The following RPS6KA1 variants were observed in gnomAD, a reference collection of about 807,000 sequenced individuals.
RPS6KA1 encodes the protein ribosomal protein S6 kinase alpha-1.
Under a neutral mutation model 91.3 loss-of-function variants are expected in RPS6KA1, and 48 were observed. That is an observed-to-expected ratio of 0.53 (90% CI 0.42 to 0.67). RPS6KA1 has a LOEUF of 0.67. RPS6KA1 is among the 30% of genes least tolerant of loss of function. The pLI, the probability that RPS6KA1 is intolerant of heterozygous loss-of-function variation, is 0.00. For missense variants in RPS6KA1, 719 were observed against 960.5 expected, an observed-to-expected ratio of 0.75 and a Z score of 3.32; for synonymous variants, 359 against 384.7, an observed-to-expected ratio of 0.93 and a Z score of 0.78.
chr1:26,537,044 G>A, intron 2 of RPS6KA1, 75 bp downstream of exon 2: 1 of 1,505,856 alleles, frequency 6.6e-7, no homozygotes, highest in Non-Finnish European at 9.2e-7. Flanking sequence ...GGAGGTTGAG[G>A]GCTCCAGCCT....
chr1:26,563,811 A>T (rs1462243343), intron 17 of RPS6KA1, among the ~76,000 whole-genome samples: 1 of 151,414 alleles, frequency 6.6e-6, no homozygotes, highest in Non-Finnish European at 1.5e-5. Flanking sequence ...TTTGGGGGGG[A>T]TGGGAATGAG....
chr1:26,554,431 G>T lies in RPS6KA1; in HGVS notation c.614-165G>T. 8.7e-7 allele frequency: 1 copy of T among 1,144,116 alleles called. No individual in the cohort carries two copies. The highest frequency in any genetic ancestry group is 1.3e-6 in the Non-Finnish European group (1 of 793,614). The allele number at this position is 1,144,116 out of a possible 1,614,324, so 70.9% of individuals were successfully genotyped here. A position where few individuals can be genotyped will look rare whatever the true frequency, so the allele number is the denominator to read the frequency against. ...TCAGCTGGAATCCCAGCCCCTCATT[G>T]TGTAACGTTGAGCAAGTCACCTGAC... On this transcript the variant is annotated intron_variant, in intron 8 of 21. Transcript: ENST00000374168. This position sits in a 1 kb window ranked among gnomAD's most constrained non-coding sequence, Gnocchi z 4.6.
intron 1 of RPS6KA1, among the ~76,000 whole-genome samples, chr1:26,533,820 C>A (rs920999457): frequency 6.6e-6 from 1 of 152,168 alleles, no homozygotes; most frequent in Non-Finnish European, 1.5e-5. Flanking sequence ...TGTGTTCTTT[C>A]AAGGATTGCT....
At chr1:26,565,568 C>CTTTTCTTTTCTTTTCT (rs71581076) in intron 17 of RPS6KA1, among the ~76,000 whole-genome samples, 1 of 150,308 alleles carries the variant, frequency 6.7e-6, no homozygotes, top group African/African-American at 2.4e-5. Context: ...CTTTTCTTTT[C>CTTTTCTTTTCTTTTCT]TTTTTTTTTG....
Position 26,555,668 on chromosome 1 carries a change from G to T in RPS6KA1, c.916+43G>T, listed in dbSNP as rs2076094666. Reference sequence around the variant, plus strand: ...AGGGGAGGGGATGTGGCGATGGGGAGCCGGGTACAGCTGCAGCCTAGGCCA... The same window carrying T: ...AGGGGAGGGGATGTGGCGATGGGGATCCGGGTACAGCTGCAGCCTAGGCCA... On this transcript the variant is annotated intron_variant, in intron 11 of 21. Coordinates refer to ENST00000374168, the MANE Select transcript of RPS6KA1 (RefSeq NM_002953.4). The surrounding 1 kb of genome is among the most constrained non-coding windows in gnomAD (Gnocchi z 4.3). 1 of 1,533,936 alleles carries T rather than the reference G, an allele frequency of 6.5e-7. No homozygotes were observed. Among genetic ancestry groups the T allele is most frequent in the Non-Finnish European group, 8.9e-7 (1 of 1,128,340 alleles).
At chr1:26,553,691 T>C in intron 7 of RPS6KA1, 194 bp downstream of exon 7, 2 of 387,720 alleles carry the variant, frequency 5.2e-6, no homozygotes, top group East Asian at 8.5e-5. Context: ...AAGGGCCAGG[T>C]ACTTTGCATG....
rs1358900755 is a variant in RPS6KA1 at position 26,560,735 on chromosome 1, G to A, written c.1225G>A (p.Gly409Arg). Reference protein sequence around the residue: ...PLHSVVQQLHGKNLVFSDGYV... With the variant: ...PLHSVVQQLHRKNLVFSDGYV... Reference sequence around the variant, plus strand: ...TTTTGGTCTCCTACAGCAACTCCATGGGAAGAACCTGGTTTTTAGTGACGG... The same window carrying A: ...TTTTGGTCTCCTACAGCAACTCCATAGGAAGAACCTGGTTTTTAGTGACGG... The change falls in exon 15 of 22, where the codon GGG becomes AGG. Residue 409 changes from glycine (G) to arginine (R), a missense_variant. Transcript: ENST00000374168. 6.2e-7 allele frequency: 1 copy of A among 1,614,038 alleles called. No homozygotes were observed. The highest frequency in any genetic ancestry group is 8.5e-7 in the Non-Finnish European group (1 of 1,180,034).
chr1:26,547,039 T>G lies in RPS6KA1; in HGVS notation c.225+56T>G. 1 of 1,556,882 alleles carries G rather than the reference T, an allele frequency of 6.4e-7. No individual in the cohort carries two copies. Among genetic ancestry groups the G allele is most frequent in the Non-Finnish European group, 8.9e-7 (1 of 1,128,690 alleles). ...ACACTCGTCATGTTAGAGGTGGGGG[T>G]CAAGGGTCACCTAGGGGCCCAAAGG... On this transcript the variant is annotated intron_variant, in intron 3 of 21. Transcript: ENST00000374168. This position sits in a 1 kb window ranked among gnomAD's most constrained non-coding sequence, Gnocchi z 4.1.
intron 17 of RPS6KA1, among the ~76,000 whole-genome samples, chr1:26,568,769 A>T (rs1042632013): frequency 2.2e-4 from 34 of 152,166 alleles, no homozygotes; most frequent in Admixed American, 3.9e-4. Flanking sequence ...AAATTAATTT[A>T]AAAAAAAGGT....
chr1:26,573,196 C>A (rs282178), intron 20 of RPS6KA1, 28 bp from the exon 21 acceptor site: 402,564 of 1,610,680 alleles, frequency 0.25, 54,667 homozygotes, highest in East Asian at 0.49. Flanking sequence ...CAGCCCTCCC[C>A]CAACCCCCTT....
chr1:26,572,113 C>A, intron 19 of RPS6KA1, 63 bp from the exon 20 acceptor site: 2 of 1,442,076 alleles, frequency 1.4e-6, no homozygotes, highest in Non-Finnish European at 2.0e-6. Context: ...AGTCTCCCAC[C>A]GCAGCCCCAG....
Position 26,558,881 on chromosome 1 carries a change from A to T in RPS6KA1, c.1159A>T (p.Met387Leu). The change falls in exon 14 of 22, where the codon ATG becomes TTG. Residue 387 changes from methionine to leucine, a missense_variant. This residue lies in a region of RPS6KA1 where 228 missense variants were observed against 247.6 expected (regional missense o/e 0.92). Transcript: ENST00000374168. The surrounding 1 kb of genome is among the most constrained non-coding windows in gnomAD (Gnocchi z 4.0). ...CTTCAGCTTCGTGGCCACCGGCCTG[A>T]TGGAAGACGACGGCAAGCCTCGTGC... Reference protein sequence around the residue: ...RGFSFVATGLMEDDGKPRAPQ... With the variant: ...RGFSFVATGLLEDDGKPRAPQ... 1 of 1,613,770 alleles carries T rather than the reference A, an allele frequency of 6.2e-7. No individual in the cohort carries two copies. The highest frequency in any genetic ancestry group is 8.5e-7 in the Non-Finnish European group (1 of 1,179,802).
chr1:26,554,840 C>G lies in RPS6KA1; in HGVS notation c.756+102C>G. On this transcript the variant is annotated intron_variant, in intron 9 of 21. Coordinates refer to ENST00000374168, the MANE Select transcript of RPS6KA1 (RefSeq NM_002953.4). The surrounding 1 kb of genome is among the most constrained non-coding windows in gnomAD (Gnocchi z 4.6). The stretch of plus-strand genomic sequence containing the variant: ...TGATCATTTCTAGGGCTCTCCCCGT[C>G]TCCTCTCACAGCCAAGCTGGCCTCA... 1 of 1,436,578 alleles carries G rather than the reference C, an allele frequency of 7.0e-7. No individual in the cohort carries two copies. Among genetic ancestry groups the G allele is most frequent in the Non-Finnish European group, 9.4e-7 (1 of 1,062,306 alleles). The allele number at this position is 1,436,578 out of a possible 1,614,324, so 89.0% of individuals were successfully genotyped here.
In RPS6KA1 at chr1:26,574,024, C is replaced by A; in HGVS notation, c.2086-55C>A. 1 of 1,584,462 alleles carries A rather than the reference C, an allele frequency of 6.3e-7. No homozygotes were observed. Among genetic ancestry groups the A allele is most frequent in the South Asian group, 1.1e-5 (1 of 88,670 alleles). On this transcript the variant is annotated intron_variant, in intron 21 of 21. Coordinates refer to ENST00000374168, the MANE Select transcript of RPS6KA1 (RefSeq NM_002953.4). The surrounding 1 kb of genome is among the most constrained non-coding windows in gnomAD (Gnocchi z 4.3). ...CTGGCCTACCCTTGGGGCATGGATC[C>A]CCTCCCCGCTACATCTCCCACCATT... is the stretch of plus-strand genomic sequence containing the variant.
At chr1:26,566,994 C>T (rs1471838013) in intron 17 of RPS6KA1, among the ~76,000 whole-genome samples, 2 of 151,096 alleles carry the variant, frequency 1.3e-5, no homozygotes, top group African/African-American at 2.4e-5. Context: ...ACAGGCCAGG[C>T]GGGGTTCTGT....
At chr1:26,543,316 G>A (rs2075963576) in intron 2 of RPS6KA1, 2 of 940,550 alleles carry the variant, frequency 2.1e-6, no homozygotes, top group Admixed American at 4.1e-5. Context: ...GGATTTCTGG[G>A]TGGTTTCCTG....
chr1:26,545,080 GC>G (rs1384467699), intron 2 of RPS6KA1, among the ~76,000 whole-genome samples: 2 of 151,892 alleles, frequency 1.3e-5, no homozygotes, highest in Admixed American at 6.6e-5. Context: ...TCCTGCCTCT[GC>G]CTGTTGGGTG....
intron 17 of RPS6KA1, among the ~76,000 whole-genome samples, chr1:26,565,138 T>A (rs2076188130): frequency 6.6e-6 from 1 of 152,162 alleles, no homozygotes; most frequent in South Asian, 2.1e-4. Context: ...AGTTTCTGGC[T>A]GTTTGCTAAT....
In RPS6KA1 at chr1:26,555,365, A is replaced by G; in HGVS notation, c.827+144A>G. ...CTGGGTTAAACATTATACCTTCCAGAGCCCCTCTTTCATCCCTGGGGGCCT... is the reference window on the plus strand; with the variant it reads ...CTGGGTTAAACATTATACCTTCCAGGGCCCCTCTTTCATCCCTGGGGGCCT... On this transcript the variant is annotated intron_variant, in intron 10 of 21. Transcript: ENST00000374168. The surrounding 1 kb of genome is among the most constrained non-coding windows in gnomAD (Gnocchi z 4.3). 9.7e-7 allele frequency: 1 copy of G among 1,025,668 alleles called. No individual in the cohort carries two copies. The highest frequency in any genetic ancestry group is 1.5e-6 in the Non-Finnish European group (1 of 688,418). 63.5% of individuals were successfully genotyped at this position (1,025,668 alleles called of 1,614,324 possible). A position where few individuals can be genotyped will look rare whatever the true frequency, so the allele number is the denominator to read the frequency against.
Sources: gnomAD v4.1 joint callset for allele counts (sites outside exome capture counted in the v4.1 genomes callset) on GRCh38, gnomAD v4.1.1 for gene constraint, gnomAD v4.1.1 regional missense constraint, Gnocchi (gnomAD v3.1) non-coding constraint, MANE v1.5 for transcripts, NCBI Gene and HGNC (gene_info 2026-07-23, HGNC 2026-07-21) for gene names.